The following HTRA1 variants were observed in gnomAD, a reference collection of about 807,000 sequenced individuals.
HTRA1 encodes the protein serine protease HTRA1.
Under a neutral mutation model 49.7 loss-of-function variants are expected in HTRA1, and 26 were observed. The observed-to-expected ratio is 0.52, with a 90% confidence interval of 0.38 to 0.73. The LOEUF is 0.73. HTRA1 is among the 30% of genes least tolerant of loss of function. The pLI is 0.00. For missense variants in HTRA1, 561 were observed against 667.2 expected, an observed-to-expected ratio of 0.84 and a Z score of 1.75; for synonymous variants, 291 against 286.9, an observed-to-expected ratio of 1.01 and a Z score of -0.14.
At chr10:122,501,222 C>A (rs1274580515) in intron 3 of HTRA1, among the ~76,000 whole-genome samples, 1 of 152,120 alleles carries the variant, frequency 6.6e-6, no homozygotes, top group Non-Finnish European at 1.5e-5. Flanking sequence ...TGGGAAGATG[C>A]CGGACACGCG....
rs764850435 is a variant in HTRA1, at chr10:122,464,692, G to A, written c.472+2568G>A. Reference sequence around the variant, plus strand: ...CTTTTCGGAGGTGTTTCCGAGGACAGGCGCCTGGGAGCCAGCAGACTTCAT... The same window carrying A: ...CTTTTCGGAGGTGTTTCCGAGGACAAGCGCCTGGGAGCCAGCAGACTTCAT... On this transcript the variant is annotated intron_variant, in intron 1 of 8. Transcript: ENST00000368984. The surrounding 1 kb of genome is among the most constrained non-coding windows in gnomAD (Gnocchi z 4.8). Among the ~76,000 whole-genome samples, 38 of 152,252 alleles carry A rather than the reference G, an allele frequency of 2.5e-4. 1 individual carries two copies. The highest frequency in any genetic ancestry group is 1.4e-3 in the Admixed American group (22 of 15,290).
chr10:122,498,098 C>T (rs1490687916), intron 3 of HTRA1, among the ~76,000 whole-genome samples: 1 of 152,184 alleles, frequency 6.6e-6, no homozygotes, highest in Non-Finnish European at 1.5e-5. Context: ...TTCATAAACA[C>T]CGAGGAGGAA....
intron 1 of HTRA1, among the ~76,000 whole-genome samples, chr10:122,475,773 T>A (rs2097488196): frequency 6.6e-6 from 1 of 152,200 alleles, no homozygotes; most frequent in Non-Finnish European, 1.5e-5. Flanking sequence ...CCCGGCGCCC[T>A]GGAATGTGCA....
intron 3 of HTRA1, among the ~76,000 whole-genome samples, chr10:122,504,710 C>T (rs1242395694): frequency 2.6e-5 from 4 of 152,242 alleles, no homozygotes; most frequent in Non-Finnish European, 5.9e-5. Context: ...TCCTGCCCCG[C>T]CTGCACGCCA....
intron 1 of HTRA1, among the ~76,000 whole-genome samples, chr10:122,472,544 C>T (rs2097486622): frequency 6.6e-6 from 1 of 151,990 alleles, no homozygotes; most frequent in Non-Finnish European, 1.5e-5. Context: ...TACAGGCCTG[C>T]ACCACCACAC....
intron 1 of HTRA1, among the ~76,000 whole-genome samples, chr10:122,478,751 T>A (rs1164300714): frequency 6.6e-6 from 1 of 152,200 alleles, no homozygotes; most frequent in African/African-American, 2.4e-5. Flanking sequence ...GAGATGCTTT[T>A]CTGTGCTAAA....
At position 122,506,906 on chromosome 10, in the gene HTRA1, G is replaced by C. The variant is rs555349679; in HGVS notation, c.972+21G>C. 1 of 1,609,252 alleles carries C rather than the reference G, an allele frequency of 6.2e-7. No individual in the cohort carries two copies. Among genetic ancestry groups the C allele is most frequent in the South Asian group, 1.1e-5 (1 of 90,972 alleles). ...TCAACGTGAGCCTCTGTCCCTCTGC[G>C]GGTGGGGATTGGGGCAGAGTTTTGC... is the stretch of plus-strand genomic sequence containing the variant. On this transcript the variant is annotated intron_variant, in intron 4 of 8. Transcript: ENST00000368984. This position sits in a 1 kb window ranked among gnomAD's most constrained non-coding sequence, Gnocchi z 5.2.
chr10:122,462,251 A>C, intron 1 of HTRA1, 127 bp downstream of exon 1: 1 of 835,606 alleles, frequency 1.2e-6, no homozygotes, highest in South Asian at 1.6e-5. Flanking sequence ...ACTCTCGGGG[A>C]CAGGCAGGTG....
At chr10:122,507,603 G>A (rs1294584252) in intron 5 of HTRA1, among the ~76,000 whole-genome samples, 1 of 152,164 alleles carries the variant, frequency 6.6e-6, no homozygotes, top group Non-Finnish European at 1.5e-5. Flanking sequence ...ATCTTTTCTG[G>A]AAAGAGTAAG....
chr10:122,467,678 C>G (rs976733208), intron 1 of HTRA1, among the ~76,000 whole-genome samples: 1 of 152,044 alleles, frequency 6.6e-6, no homozygotes, highest in Non-Finnish European at 1.5e-5. Flanking sequence ...GACTCATACC[C>G]CTTGCTCCTT....
At position 122,461,695 on chromosome 10, in the gene HTRA1, C is replaced by T; in HGVS notation, c.43C>T (p.Leu15=). The change falls in exon 1 of 9, where the codon CTG becomes TTG. Residue 15 remains leucine (L), a synonymous_variant. Transcript: ENST00000368984. ...RAALLPLLLL[L]LAAPASAQLS... is the part of the protein sequence containing the mutation. Reference sequence around the variant, plus strand: ...CGCTCTTCTCCCGCTGCTGCTGCTGCTGCTGGCGGCGCCCGCCTCGGCGCA... The same window carrying T: ...CGCTCTTCTCCCGCTGCTGCTGCTGTTGCTGGCGGCGCCCGCCTCGGCGCA... 1.5e-6 allele frequency: 2 copies of T among 1,304,008 alleles called. No homozygotes were observed. Among genetic ancestry groups the T allele is most frequent in the Admixed American group, 2.8e-5 (1 of 36,338 alleles). The allele number at this position is 1,304,008 out of a possible 1,614,324, so 80.8% of individuals were successfully genotyped here.
intron 1 of HTRA1, among the ~76,000 whole-genome samples, chr10:122,467,683 C>T (rs1425085700): frequency 6.6e-6 from 1 of 152,056 alleles, no homozygotes; most frequent in Non-Finnish European, 1.5e-5. Context: ...ATACCCCTTG[C>T]TCCTTCCCTG....
At chr10:122,467,351 C>T (rs931572599) in intron 1 of HTRA1, among the ~76,000 whole-genome samples, 6 of 152,228 alleles carry the variant, frequency 3.9e-5, no homozygotes, top group African/African-American at 9.6e-5. Flanking sequence ...CTCGACCTCT[C>T]GGAGCCTCGG....
intron 7 of HTRA1, 94 bp from the exon 8 acceptor site, chr10:122,511,876 T>G: frequency 1.1e-6 from 1 of 872,130 alleles, no homozygotes. Flanking sequence ...ACCTTAGACC[T>G]AAGGAGAAGA....
intron 3 of HTRA1, among the ~76,000 whole-genome samples, chr10:122,497,990 C>G (rs1285986516): frequency 2.0e-5 from 3 of 152,112 alleles, no homozygotes; most frequent in Non-Finnish European, 1.5e-5. Flanking sequence ...CCATGTGGCA[C>G]TGTTGACATT....
In HTRA1 at chr10:122,489,479, G is replaced by A. The variant is rs762746829; in HGVS notation, c.630G>A (p.Ser210=). The change falls in exon 3 of 9, where the codon TCG becomes TCA. Residue 210 remains serine, a synonymous_variant. Coordinates refer to ENST00000368984, the MANE Select transcript of HTRA1 (RefSeq NM_002775.5). ...CTAGTGGGTCTGGGTTTATTGTGTC[G>A]GAAGATGGACTGATCGTGACAAATG... ...PVASGSGFIV[S]EDGLIVTNAH... 27 of 1,614,042 alleles carry A rather than the reference G, an allele frequency of 1.7e-5. No individual in the cohort carries two copies. The highest frequency in any genetic ancestry group is 4.0e-5 in the African/African-American group (3 of 74,922).
intron 3 of HTRA1, among the ~76,000 whole-genome samples, chr10:122,495,880 C>T (rs748562957): frequency 3.9e-5 from 6 of 152,168 alleles, no homozygotes; most frequent in South Asian, 2.1e-4. Context: ...AGCCAGTAGT[C>T]CAAAGCTGGC....
chr10:122,462,167 C>A, intron 1 of HTRA1, 43 bp downstream of exon 1: 1 of 1,441,540 alleles, frequency 6.9e-7, no homozygotes, highest in Non-Finnish European at 9.4e-7. Context: ...TCTCTCCATC[C>A]CAGCTCGGAC....
intron 3 of HTRA1, among the ~76,000 whole-genome samples, chr10:122,493,618 T>C (rs2097496973): frequency 6.6e-6 from 1 of 152,196 alleles, no homozygotes; most frequent in Non-Finnish European, 1.5e-5. Flanking sequence ...TGGGATGTAT[T>C]GAAGAAGGTA....
Sources: allele counts gnomAD v4.1 joint callset (sites outside exome capture counted in the v4.1 genomes callset), GRCh38; gene constraint gnomAD v4.1.1; non-coding constraint Gnocchi (gnomAD v3.1); transcripts MANE v1.5; gene names NCBI Gene and HGNC (gene_info 2026-07-23, HGNC 2026-07-21).